Variants in ARID1A observed in about 807,000 individuals in gnomAD.
ARID1A encodes the protein AT-rich interactive domain-containing protein 1A.
A neutral mutation model predicts 212.6 loss-of-function variants in ARID1A; 20 were observed. The observed-to-expected ratio is 0.09, with a 90% CI of 0.07 to 0.14. The LOEUF is 0.14. Among genes scored for constraint, ARID1A ranks in the 10% least tolerant of loss-of-function variants. The probability of loss-of-function intolerance (pLI) is 1.00; values close to 1 mark genes in which losing one functional copy is unlikely to be tolerated. For missense variants in ARID1A, 2,587 were observed against 3,059.0 expected (o/e 0.85, Z 3.64); for synonymous variants, 1,376 against 1,222.1 (o/e 1.13, Z -2.63).
chr1:26,729,942 C>A, intron 2 of ARID1A, 79 bp downstream of exon 2: 1 of 1,509,674 alleles, frequency 6.6e-7, no homozygotes, highest in Non-Finnish European at 9.1e-7. Context: ...AGAATGTATC[C>A]TTGGCTTCCA....
chr1:26,755,826 C>T (rs2080930093), intron 4 of ARID1A, among the ~76,000 whole-genome samples: 1 of 151,886 alleles, frequency 6.6e-6, no homozygotes, highest in Non-Finnish European at 1.5e-5. Flanking sequence ...TCACTGCAAC[C>T]TCCGCCTCCC....
At chr1:26,750,344 C>A (rs925024574) in intron 4 of ARID1A, among the ~76,000 whole-genome samples, 1 of 152,148 alleles carries the variant, frequency 6.6e-6, no homozygotes, top group African/African-American at 2.4e-5. Context: ...AGTTGTTGTA[C>A]CTATAATGCC....
At chr1:26,747,351 C>A (rs1415769896) in intron 4 of ARID1A, among the ~76,000 whole-genome samples, 1 of 152,158 alleles carries the variant, frequency 6.6e-6, no homozygotes, top group East Asian at 1.9e-4. Flanking sequence ...TGACCTTTCC[C>A]AAAGAAGCTA....
In ARID1A at chr1:26,774,760, G is replaced by A. The variant is rs1311096321; in HGVS notation, c.4533G>A (p.Arg1511=). 1 of 1,614,114 alleles carries A rather than the reference G, an allele frequency of 6.2e-7. No individual in the cohort carries two copies. Among genetic ancestry groups the A allele is most frequent in the Admixed American group, 1.7e-5 (1 of 60,010 alleles). ...ACATGACCTATAATTATGCCAACAG[G>A]CAGAGCACGGGCTCTGCCCCCCAGG... ...RNDMTYNYAN[R]QSTGSAPQGP... is the part of the protein sequence containing the mutation. Residue 1511 remains arginine, a synonymous_variant, in exon 18 of 20, where the codon AGG becomes AGA. Coordinates refer to ENST00000324856, the MANE Select transcript of ARID1A (RefSeq NM_006015.6). The surrounding 1 kb of genome is among the most constrained non-coding windows in gnomAD (Gnocchi z 5.6).
In ARID1A at chr1:26,762,938, G is replaced by C. The variant is rs768884763; in HGVS notation, c.2420-35G>C. The C allele has an allele frequency of 2.0e-6, 3 of 1,528,818 alleles. No homozygotes were observed. The Admixed American group carries it at 5.6e-5, about 29-fold the overall frequency. The allele number at this position is 1,528,818 out of a possible 1,614,324, so 94.7% of individuals were successfully genotyped here. On this transcript the variant is annotated intron_variant, in intron 7 of 19. Coordinates refer to ENST00000324856, the MANE Select transcript of ARID1A (RefSeq NM_006015.6). ...AGAGATATTAGTGAGTTGCTAGTGA[G>C]TGACTAACCAAGTCTTGTCTTCCTC...
intron 19 of ARID1A, 36 bp from the exon 20 acceptor site, chr1:26,778,987 C>T (rs2124136117): frequency 6.7e-7 from 1 of 1,494,896 alleles, no homozygotes; most frequent in East Asian, 2.3e-5. Context: ...GGCCACTTTT[C>T]TCCCTTAATT....
chr1:26,735,369 T>C lies in ARID1A; in HGVS notation c.1920+2577T>C, dbSNP rs552920581. Reference sequence around the variant, plus strand: ...GTGCAATGGCACGATCTCAGCTCACTGCAACCTCAGCCTCCCAGGTTGAAG... The same window carrying C: ...GTGCAATGGCACGATCTCAGCTCACCGCAACCTCAGCCTCCCAGGTTGAAG... On this transcript the variant is annotated intron_variant, in intron 4 of 19. Transcript: ENST00000324856. Among the ~76,000 whole-genome samples, 90 of 152,304 alleles carry C rather than the reference T, an allele frequency of 5.9e-4. 1 individual carries two copies. The highest frequency in any genetic ancestry group is 4.4e-5 in the Non-Finnish European group (3 of 68,014).
At chr1:26,724,206 A>G (rs755981040) in intron 1 of ARID1A, among the ~76,000 whole-genome samples, 10 of 152,164 alleles carry the variant, frequency 6.6e-5, no homozygotes, top group Non-Finnish European at 1.0e-4. Context: ...CACTAGCCCC[A>G]ACTAGTTAGC....
chr1:26,708,056 C>G (rs755258507), intron 1 of ARID1A, among the ~76,000 whole-genome samples: 1 of 152,128 alleles, frequency 6.6e-6, no homozygotes, highest in Non-Finnish European at 1.5e-5. Context: ...GCCTAGAGCT[C>G]TGTCCTGTCA....
intron 11 of ARID1A, 60 bp downstream of exon 11, chr1:26,768,059 C>T (rs2081054012): frequency 6.5e-7 from 1 of 1,539,264 alleles, no homozygotes; most frequent in Non-Finnish European, 8.9e-7. Context: ...TTTCTAGGTA[C>T]TCACTGGCTT....
chr1:26,710,948 A>G (rs1248132377), intron 1 of ARID1A, among the ~76,000 whole-genome samples: 1 of 152,132 alleles, frequency 6.6e-6, no homozygotes, highest in Non-Finnish European at 1.5e-5. Context: ...TAAACAACAA[A>G]CATTTACTAC....
At chr1:26,698,934 A>G (rs1259545073) in intron 1 of ARID1A, among the ~76,000 whole-genome samples, 2 of 152,178 alleles carry the variant, frequency 1.3e-5, no homozygotes, top group Non-Finnish European at 2.9e-5. Context: ...CTTTGTTTAC[A>G]TGTTGAATCT....
intron 14 of ARID1A, 142 bp from the exon 15 acceptor site, chr1:26,773,204 G>C: frequency 7.6e-7 from 1 of 1,312,176 alleles, no homozygotes; most frequent in South Asian, 1.5e-5. Context: ...TCGCTGGTTG[G>C]GGCCTCTTTA....
chr1:26,733,770 C>T (rs538812300), intron 4 of ARID1A, among the ~76,000 whole-genome samples: 52 of 152,312 alleles, frequency 3.4e-4, no homozygotes, highest in African/African-American at 1.1e-3. Flanking sequence ...GGAAATTCAG[C>T]CACATACCCA....
In ARID1A at chr1:26,763,232, A is replaced by G. The variant is rs1039963576; in HGVS notation, c.2679A>G (p.Lys893=). The change falls in exon 8 of 20, where the codon AAA becomes AAG. Residue 893 remains lysine, a synonymous_variant. Coordinates refer to ENST00000324856, the MANE Select transcript of ARID1A (RefSeq NM_006015.6). ...CCCCACCAGGGGGCATGAACCGGAAAACCCAAGAAACTGCTGTCGCCATGC... is the reference window on the plus strand; with the variant it reads ...CCCCACCAGGGGGCATGAACCGGAAGACCCAAGAAACTGCTGTCGCCATGC... The part of the protein sequence containing the change: ...MCPPPGGMNR[K]TQETAVAMHV... 4 of 1,613,226 alleles carry G rather than the reference A, an allele frequency of 2.5e-6. No individual in the cohort carries two copies. The highest frequency in any genetic ancestry group is 4.5e-5 in the East Asian group (2 of 44,864).
At position 26,729,725 on chromosome 1, in the gene ARID1A, A is replaced by G. The variant is rs1437743258; in HGVS notation, c.1212A>G (p.Gln404=). ...PYGGTNPYSQ[Q]QGPPSGPQQG... ...GCGGGACTAACCCATACTCGCAGCA[A>G]CAGGGACCTCCGTCAGGACCGCAGC... Residue 404 remains glutamine (Q), a synonymous_variant, in exon 2 of 20, where the codon CAA becomes CAG. Transcript: ENST00000324856. 2.5e-6 allele frequency: 4 copies of G among 1,614,136 alleles called. No homozygotes were observed. Among genetic ancestry groups the G allele is most frequent in the African/African-American group, 2.7e-5 (2 of 74,954 alleles).
intron 4 of ARID1A, among the ~76,000 whole-genome samples, chr1:26,742,973 A>G (rs1202922812): frequency 6.6e-6 from 1 of 152,186 alleles, no homozygotes; most frequent in Admixed American, 6.5e-5. Flanking sequence ...GTCTCAAAAA[A>G]AGAAATATAA....
chr1:26,706,928 T>G (rs1214427281), intron 1 of ARID1A, among the ~76,000 whole-genome samples: 1 of 152,202 alleles, frequency 6.6e-6, no homozygotes, highest in Non-Finnish European at 1.5e-5. Flanking sequence ...TGTGCTTGTT[T>G]AGGAATTTAG....
intron 1 of ARID1A, among the ~76,000 whole-genome samples, chr1:26,714,397 T>TG (rs2080481985): frequency 3.3e-5 from 5 of 151,514 alleles, no homozygotes; most frequent in Non-Finnish European, 7.4e-5. Flanking sequence ...TCTATAATCT[T>TG]TTTTGTTTGT....
Sources: gnomAD v4.1 joint callset for allele counts (sites outside exome capture counted in the v4.1 genomes callset) on GRCh38, gnomAD v4.1.1 for gene constraint, Gnocchi (gnomAD v3.1) non-coding constraint, MANE v1.5 for transcripts, NCBI Gene and HGNC (gene_info 2026-07-23, HGNC 2026-07-21) for gene names.